Variants in CSNK1G1 observed in about 807,000 individuals in gnomAD.
CSNK1G1 encodes the protein casein kinase 1 gamma 1.
In CSNK1G1, 22 loss-of-function variants were observed where a neutral mutation model predicts 59.6. The observed-to-expected ratio is 0.37, with a 90% CI of 0.26 to 0.53. CSNK1G1 has a LOEUF of 0.53. Ranked by LOEUF, CSNK1G1 falls within the 20% of genes least tolerant of loss-of-function variation. CSNK1G1 has a pLI of 0.89. For synonymous variants in CSNK1G1, 179 were observed against 177.1 expected, an observed-to-expected ratio of 1.01 and a Z score of -0.08; for missense variants, 384 against 519.5, an observed-to-expected ratio of 0.74 and a Z score of 2.54.
chr15:64,278,327 G>A (rs531255615), intron 2 of CSNK1G1, among the ~76,000 whole-genome samples: 1 of 151,440 alleles, frequency 6.6e-6, no homozygotes, highest in Non-Finnish European at 1.5e-5. Context: ...GATTGTAGGC[G>A]TGAGTCACCA....
At chr15:64,277,593 T>C (rs1379398507) in intron 2 of CSNK1G1, among the ~76,000 whole-genome samples, 1 of 139,634 alleles carries the variant, frequency 7.2e-6, no homozygotes, top group African/African-American at 2.6e-5. Flanking sequence ...AATATTAATA[T>C]ATTTAATAAT....
At chr15:64,312,686 T>C (rs1415710365) in intron 1 of CSNK1G1, among the ~76,000 whole-genome samples, 1 of 152,120 alleles carries the variant, frequency 6.6e-6, no homozygotes, top group African/African-American at 2.4e-5. Context: ...ATTCAGGACA[T>C]AGGCATGGGC....
intron 1 of CSNK1G1, 23 bp from the exon 2 acceptor site, chr15:64,300,746 TGTA>T (rs1417656589): frequency 4.1e-6 from 5 of 1,227,626 alleles, no homozygotes; most frequent in Admixed American, 8.1e-5. Flanking sequence ...CAAGAAAACA[TGTA>T]GTTAAAAATT....
At chr15:64,213,861 C>A in intron 6 of CSNK1G1, 29 bp downstream of exon 6, 1 of 1,414,698 alleles carries the variant, frequency 7.1e-7, no homozygotes, top group East Asian at 2.3e-5. Flanking sequence ...TAATGACTCG[C>A]CCCTTTCATG....
At chr15:64,187,961 C>T (rs1012373909) in intron 10 of CSNK1G1, among the ~76,000 whole-genome samples, 1 of 152,196 alleles carries the variant, frequency 6.6e-6, no homozygotes, top group African/African-American at 2.4e-5. Flanking sequence ...ACATTCTCAG[C>T]TTATGCGTTA....
chr15:64,318,901 G>A (rs1168417055), intron 1 of CSNK1G1, among the ~76,000 whole-genome samples: 5 of 150,824 alleles, frequency 3.3e-5, no homozygotes, highest in African/African-American at 7.3e-5. Context: ...ATGAGCCACC[G>A]TGCCTGGCCA....
intron 11 of CSNK1G1, among the ~76,000 whole-genome samples, chr15:64,175,631 G>C (rs879825736): frequency 2.6e-5 from 4 of 152,140 alleles, no homozygotes; most frequent in African/African-American, 4.8e-5. Flanking sequence ...AGCTGAGTCA[G>C]TCCTTGGCCT....
chr15:64,246,997 G>A (rs762536820), intron 4 of CSNK1G1, among the ~76,000 whole-genome samples: 13 of 151,986 alleles, frequency 8.6e-5, no homozygotes, highest in African/African-American at 1.2e-4. Context: ...GTTGTCATGT[G>A]GTCAGCTATG....
intron 4 of CSNK1G1, among the ~76,000 whole-genome samples, chr15:64,222,982 G>T (rs2082410839): frequency 6.6e-6 from 1 of 152,110 alleles, no homozygotes; most frequent in Non-Finnish European, 1.5e-5. Flanking sequence ...AAGTTTCTTA[G>T]TTATTTTCTT....
At chr15:64,245,233 A>C (rs1202951908) in intron 4 of CSNK1G1, among the ~76,000 whole-genome samples, 1 of 152,228 alleles carries the variant, frequency 6.6e-6, no homozygotes, top group East Asian at 1.9e-4. Context: ...AGGCAACAGA[A>C]GCAAAAATAA....
At position 64,184,625 on chromosome 15, in the gene CSNK1G1, C is replaced by A. The variant is rs573262649; in HGVS notation, c.1108-4171G>T. 3.3e-4 allele frequency among the ~76,000 whole-genome samples: 45 copies of A among 137,820 alleles called. No individual in the cohort carries two copies. In the South Asian group the frequency reaches 8.1e-3, roughly 25 times the overall value. 90.4% of individuals were successfully genotyped at this position (137,820 alleles called of 152,430 possible). Reference sequence around the variant, plus strand: ...CTGGGAGGCGGACGTTGTAGTGAGCCAAGATCATGCCACTGCACCCCAGCC... The same window carrying A: ...CTGGGAGGCGGACGTTGTAGTGAGCAAAGATCATGCCACTGCACCCCAGCC... On this transcript the variant is annotated intron_variant, in intron 10 of 11. Transcript: ENST00000303052.
At chr15:64,191,580 G>T (rs545781092) in intron 10 of CSNK1G1, among the ~76,000 whole-genome samples, 1 of 152,224 alleles carries the variant, frequency 6.6e-6, no homozygotes, top group South Asian at 2.1e-4. Flanking sequence ...TTTGTTGAAA[G>T]ATTTAAGATT....
intron 4 of CSNK1G1, among the ~76,000 whole-genome samples, chr15:64,248,673 G>A (rs1045402092): frequency 6.6e-6 from 1 of 152,084 alleles, no homozygotes; most frequent in African/African-American, 2.4e-5. Context: ...TTCCTCATCT[G>A]GACTCTGGAA....
At chr15:64,284,801 A>G (rs959957144) in intron 2 of CSNK1G1, among the ~76,000 whole-genome samples, 2 of 152,060 alleles carry the variant, frequency 1.3e-5, no homozygotes, top group African/African-American at 2.4e-5. Flanking sequence ...GCCTTGTTCC[A>G]GACAGCTGGA....
intron 2 of CSNK1G1, among the ~76,000 whole-genome samples, chr15:64,297,631 G>C (rs752287887): frequency 5.3e-5 from 8 of 152,012 alleles, no homozygotes; most frequent in Non-Finnish European, 1.2e-4. Context: ...CTGGGAGTTG[G>C]AGGCTGCGTG....
At chr15:64,202,624 C>T (rs2082123025) in intron 10 of CSNK1G1, among the ~76,000 whole-genome samples, 1 of 151,524 alleles carries the variant, frequency 6.6e-6, no homozygotes. Flanking sequence ...GCAATCTTGG[C>T]TCTCTGCTGC....
chr15:64,215,292 A>T (rs1326383585), intron 5 of CSNK1G1, among the ~76,000 whole-genome samples: 1 of 142,732 alleles, frequency 7.0e-6, no homozygotes, highest in African/African-American at 2.6e-5. Context: ...GGCTCACTGC[A>T]AGCTCCACCT....
intron 6 of CSNK1G1, among the ~76,000 whole-genome samples, chr15:64,209,694 A>T (rs1262013699): frequency 6.6e-6 from 1 of 151,982 alleles, no homozygotes; most frequent in African/African-American, 2.4e-5. Flanking sequence ...TGTTGACACA[A>T]CCTAAGGATG....
intron 1 of CSNK1G1, among the ~76,000 whole-genome samples, chr15:64,317,207 GCCT>G (rs1896321488): frequency 6.6e-6 from 1 of 152,106 alleles, no homozygotes; most frequent in Non-Finnish European, 1.5e-5. Flanking sequence ...TCCTGCTTCA[GCCT>G]CCTATGTAGC....
Sources: gnomAD v4.1 joint callset for allele counts (sites outside exome capture counted in the v4.1 genomes callset) on GRCh38, gnomAD v4.1.1 for gene constraint, MANE v1.5 for transcripts, NCBI Gene and HGNC (gene_info 2026-07-23, HGNC 2026-07-21) for gene names.